Variants in TNFRSF10D observed in about 807,000 individuals in gnomAD.
TNFRSF10D encodes the protein tumor necrosis factor receptor superfamily member 10D.
A neutral mutation model predicts 42.1 loss-of-function variants in TNFRSF10D; 28 were observed. The observed-to-expected ratio is 0.66, with a 90% CI of 0.49 to 0.91. The LOEUF is 0.91. TNFRSF10D is among the 40% of genes least tolerant of loss of function. The pLI is 0.00. For missense variants in TNFRSF10D, 503 were observed against 486.1 expected, an observed-to-expected ratio of 1.03 and a Z score of -0.33; for synonymous variants, 186 against 189.4, an observed-to-expected ratio of 0.98 and a Z score of 0.15.
chr8:23,148,179 C>T (rs1800152756), intron 3 of TNFRSF10D, among the ~76,000 whole-genome samples: 1 of 150,990 alleles, frequency 6.6e-6, no homozygotes, highest in Non-Finnish European at 1.5e-5. Flanking sequence ...GCAGAGGTTG[C>T]AGTGAGCCAA....
intron 7 of TNFRSF10D, among the ~76,000 whole-genome samples, chr8:23,138,593 C>A (rs115489482): frequency 6.0e-3 from 919 of 152,144 alleles, no homozygotes; most frequent in African/African-American, 0.019. Context: ...CCCACCCTCA[C>A]AAGAAATGAT....
rs186421228 is a variant in TNFRSF10D at position 23,136,813 on chromosome 8, A to G, written c.*1057T>C. 7.2e-4 allele frequency: 110 copies of G among 152,140 alleles called. No individual in the cohort carries two copies. Among genetic ancestry groups the G allele is most frequent in the African/African-American group, 2.4e-3 (101 of 41,542 alleles). 9.4% of individuals were successfully genotyped at this position (152,140 alleles called of 1,614,324 possible). On this transcript the variant is annotated 3_prime_UTR_variant, in exon 9 of 9. Coordinates refer to ENST00000312584, the MANE Select transcript of TNFRSF10D (RefSeq NM_003840.5). ...TAAATAAATAAATATTTATTTATAAATAAATATGGCTATATACCTCTAAAA... is the reference window on the plus strand; with the variant it reads ...TAAATAAATAAATATTTATTTATAAGTAAATATGGCTATATACCTCTAAAA...
intron 7 of TNFRSF10D, 35 bp downstream of exon 7, chr8:23,144,415 C>A: frequency 6.2e-7 from 1 of 1,600,698 alleles, no homozygotes; most frequent in Non-Finnish European, 8.5e-7. Flanking sequence ...GTGCAGGCTG[C>A]ACGCCAGGCA....
rs143001181 is a variant in TNFRSF10D, at chr8:23,163,160, C to T, written c.150+626G>A. 3.5e-3 allele frequency among the ~76,000 whole-genome samples: 435 copies of T among 125,594 alleles called. 5 individuals carry two copies. The highest frequency in any genetic ancestry group is 0.013 in the African/African-American group (410 of 32,352). 82.4% of individuals were successfully genotyped at this position (125,594 alleles called of 152,430 possible). A position where few individuals can be genotyped will look rare whatever the true frequency, so the allele number is the denominator to read the frequency against. On this transcript the variant is annotated intron_variant, in intron 1 of 8. Coordinates refer to ENST00000312584, the MANE Select transcript of TNFRSF10D (RefSeq NM_003840.5). ...TGTTGACCAGGCTGGAGTGCGATGG[C>T]GCGATCTCGGCTCACTGCAACCTCC...
chr8:23,142,749 A>C (rs1320352353), intron 7 of TNFRSF10D, among the ~76,000 whole-genome samples: 5 of 152,238 alleles, frequency 3.3e-5, no homozygotes, highest in African/African-American at 9.6e-5. Context: ...AAAAGGAAAA[A>C]TAAAAAATGA....
In TNFRSF10D at chr8:23,148,739, G is replaced by A. The variant is rs73548513; in HGVS notation, c.257-188C>T. On this transcript the variant is annotated intron_variant, in intron 2 of 8. Coordinates refer to ENST00000312584, the MANE Select transcript of TNFRSF10D (RefSeq NM_003840.5). ...ATACCTTTGACTGGCACTGCTGACA[G>A]AAATATAATACAAATCACATGCAAA... Among the ~76,000 whole-genome samples the A allele has an allele frequency of 6.4e-3, 967 of 152,080 alleles. 12 individuals carry two copies. Among genetic ancestry groups the A allele is most frequent in the African/African-American group, 0.022 (912 of 41,472 alleles).
intron 7 of TNFRSF10D, among the ~76,000 whole-genome samples, chr8:23,140,094 C>T (rs534546884): frequency 4.6e-5 from 7 of 152,270 alleles, no homozygotes; most frequent in African/African-American, 2.4e-5. Context: ...TCGAGACCAT[C>T]CTGGCTAACA....
chr8:23,155,033 C>T, intron 1 of TNFRSF10D, 54 bp from the exon 2 acceptor site: 1 of 1,365,588 alleles, frequency 7.3e-7, no homozygotes, highest in Non-Finnish European at 9.9e-7. Context: ...TTACCTCTCC[C>T]AGGCTCCGTC....
At chr8:23,160,758 C>T (rs763968722) in intron 1 of TNFRSF10D, among the ~76,000 whole-genome samples, 685 of 151,806 alleles carry the variant, frequency 4.5e-3, no homozygotes, top group African/African-American at 0.014. Context: ...GAACTGGGAC[C>T]GTGGCCTCTC....
At chr8:23,141,399 G>C (rs114604559) in intron 7 of TNFRSF10D, among the ~76,000 whole-genome samples, 3,197 of 152,178 alleles carry the variant, frequency 0.021, 27 homozygotes, top group African/African-American at 0.026. Flanking sequence ...CAGCAACTAG[G>C]GGGGCTGAGG....
In TNFRSF10D at chr8:23,148,965, C is replaced by T. The variant is rs562989641; in HGVS notation, c.257-414G>A. ...CAGTACTTAGGGAGGCCAAGGCGGA[C>T]GAATCACGAGGTCAGGAGATCGAGA... On this transcript the variant is annotated intron_variant, in intron 2 of 8. Transcript: ENST00000312584. Among the ~76,000 whole-genome samples the T allele has an allele frequency of 8.1e-4, 123 of 151,142 alleles. 1 individual carries two copies. The highest frequency in any genetic ancestry group is 3.2e-3 in the East Asian group (16 of 5,072).
intron 2 of TNFRSF10D, among the ~76,000 whole-genome samples, chr8:23,151,694 C>A (rs1800214212): frequency 6.6e-6 from 1 of 151,978 alleles, no homozygotes; most frequent in Non-Finnish European, 1.5e-5. Context: ...TTTATGAGAT[C>A]AAAGATAAAT....
intron 1 of TNFRSF10D, among the ~76,000 whole-genome samples, chr8:23,158,416 C>T (rs1800311161): frequency 6.6e-6 from 1 of 152,148 alleles, no homozygotes; most frequent in Admixed American, 6.5e-5. Context: ...TATCTTTTTC[C>T]ATCTATTTGC....
intron 1 of TNFRSF10D, among the ~76,000 whole-genome samples, chr8:23,162,011 G>A (rs367988493): frequency 1.2e-4 from 18 of 152,042 alleles, no homozygotes; most frequent in African/African-American, 4.1e-4. Flanking sequence ...ATATCCCATC[G>A]GGATGGGATA....
intron 1 of TNFRSF10D, among the ~76,000 whole-genome samples, chr8:23,162,111 T>C (rs941668796): frequency 1.3e-5 from 2 of 152,202 alleles, no homozygotes. Flanking sequence ...AGAAAATCAA[T>C]CTGAATGTAC....
At chr8:23,154,685 T>C (rs1800250583) in intron 2 of TNFRSF10D, among the ~76,000 whole-genome samples, 189 bp downstream of exon 2, 1 of 152,222 alleles carries the variant, frequency 6.6e-6, no homozygotes, top group Admixed American at 6.5e-5. Context: ...TCTGTATCCA[T>C]ACAGCTGAAA....
chr8:23,148,996 C>T (rs1046240124), intron 2 of TNFRSF10D, among the ~76,000 whole-genome samples: 44 of 151,520 alleles, frequency 2.9e-4, no homozygotes, highest in Non-Finnish European at 3.1e-4. Context: ...CGAGACCATC[C>T]TGGCTAACAC....
chr8:23,163,560 G>A (rs1218972496), intron 1 of TNFRSF10D, among the ~76,000 whole-genome samples: 1 of 152,178 alleles, frequency 6.6e-6, no homozygotes. Context: ...TCGCCGCACG[G>A]GACAGCCAGG....
intron 1 of TNFRSF10D, among the ~76,000 whole-genome samples, chr8:23,158,979 T>TC (rs535805277): frequency 5.5e-3 from 840 of 152,008 alleles, no homozygotes; most frequent in African/African-American, 0.017. Context: ...TGCTCCTATG[T>TC]CCCCAGCAAT....
Sources: allele counts gnomAD v4.1 joint callset (sites outside exome capture counted in the v4.1 genomes callset), GRCh38; gene constraint gnomAD v4.1.1; transcripts MANE v1.5; gene names NCBI Gene and HGNC (gene_info 2026-07-23, HGNC 2026-07-21).